Variants in DEFB131A observed in about 807,000 individuals in gnomAD.
DEFB131A encodes defensin beta 131A.
A neutral mutation model predicts 2.4 loss-of-function variants in DEFB131A; 5 were observed. The observed-to-expected ratio is 2.12, with a 90% CI of 1.11 to 4.47. The LOEUF (loss-of-function observed/expected upper bound fraction) is 4.47, where lower values mean the gene tolerates loss of function less well. DEFB131A is among the 30% of genes most tolerant of loss of function. The pLI is 0.00. For synonymous variants in DEFB131A, 34 were observed against 25.7 expected (o/e 1.32, Z -0.97); for missense variants, 120 against 79.9 (o/e 1.50, Z -1.91).
intron 1 of DEFB131A, among the ~76,000 whole-genome samples, chr4:9,449,589 A>C (rs1717598949): frequency 6.6e-6 from 1 of 151,820 alleles, no homozygotes. Flanking sequence ...AAACTGTAAA[A>C]CTTATAGAAG....
rs1323193532 is a variant in DEFB131A, at chr4:9,450,631, A to G, written c.*117A>G. ...ATTATAATTGCATGTTTAGATGGTC[A>G]GGTGAAAATGAATATAAATTTTATA... On this transcript the variant is annotated 3_prime_UTR_variant, in exon 2 of 2. Transcript: ENST00000334879. 33 of 1,376,370 alleles carry G rather than the reference A, an allele frequency of 2.4e-5. No individual in the cohort carries two copies. The African/African-American group carries it at 3.6e-4, about 15-fold the overall frequency. 85.3% of individuals were successfully genotyped at this position (1,376,370 alleles called of 1,614,324 possible).
chr4:9,448,110 A>G (rs1717550463), intron 1 of DEFB131A, among the ~76,000 whole-genome samples: 1 of 151,992 alleles, frequency 6.6e-6, no homozygotes, highest in African/African-American at 2.4e-5. Context: ...ATAACACGCA[A>G]GATAAATACA....
At chr4:9,448,882 G>A (rs927536255) in intron 1 of DEFB131A, among the ~76,000 whole-genome samples, 1 of 152,182 alleles carries the variant, frequency 6.6e-6, no homozygotes, top group East Asian at 1.9e-4. Context: ...CCAAACAGTT[G>A]GGGGGTGGGA....
intron 1 of DEFB131A, among the ~76,000 whole-genome samples, chr4:9,445,807 A>G (rs1717478052): frequency 6.6e-6 from 1 of 152,150 alleles, no homozygotes; most frequent in Admixed American, 6.5e-5. Flanking sequence ...GAATATGTTT[A>G]TAACCGCAAG....
intron 1 of DEFB131A, among the ~76,000 whole-genome samples, chr4:9,447,677 G>T (rs560883516): frequency 6.6e-6 from 1 of 151,188 alleles, no homozygotes; most frequent in African/African-American, 2.4e-5. Context: ...TTGCATGAGG[G>T]CCATACCCTG....
In DEFB131A at chr4:9,450,521, T is replaced by G. The variant is rs1157801355; in HGVS notation, c.*7T>G. 1 of 1,607,152 alleles carries G rather than the reference T, an allele frequency of 6.2e-7. No individual in the cohort carries two copies. Among genetic ancestry groups the G allele is most frequent in the African/African-American group, 1.3e-5 (1 of 74,854 alleles). Reference sequence around the variant, plus strand: ...CGGACAAAAGAAGTGGTGAAAATTCTAACTCCATCTTCTTCAGACTCCGGG... The same window carrying G: ...CGGACAAAAGAAGTGGTGAAAATTCGAACTCCATCTTCTTCAGACTCCGGG... On this transcript the variant is annotated 3_prime_UTR_variant, in exon 2 of 2. Transcript: ENST00000334879.
At chr4:9,447,957 A>G (rs1717544842) in intron 1 of DEFB131A, among the ~76,000 whole-genome samples, 1 of 152,130 alleles carries the variant, frequency 6.6e-6, no homozygotes, top group Admixed American at 6.6e-5. Flanking sequence ...GTGTAGGCCA[A>G]TTACAAAAGG....
At chr4:9,449,516 G>A (rs1717597377) in intron 1 of DEFB131A, among the ~76,000 whole-genome samples, 2 of 150,774 alleles carry the variant, frequency 1.3e-5, no homozygotes, top group African/African-American at 2.4e-5. Flanking sequence ...AACTGGGCCT[G>A]TATCTTACAC....
At position 9,444,604 on chromosome 4, in the gene DEFB131A, CT is replaced by C. The variant is rs778924213; in HGVS notation, c.58+19del. 4 of 1,603,354 alleles carry C rather than the reference CT, an allele frequency of 2.5e-6. No individual in the cohort carries two copies. On this transcript the variant is annotated intron_variant, in intron 1 of 1. Coordinates refer to ENST00000334879, the MANE Select transcript of DEFB131A (RefSeq NM_001040448.3). ...ACAGTTCCTCCAGGTAAGACAGAAA[CT>C]TTTTTATTCCAAAGTTCTAAAAATA... is the stretch of plus-strand genomic sequence containing the variant.
At chr4:9,448,547 C>A (rs1417900476) in intron 1 of DEFB131A, among the ~76,000 whole-genome samples, 1 of 152,158 alleles carries the variant, frequency 6.6e-6, no homozygotes, top group Non-Finnish European at 1.5e-5. Flanking sequence ...TGGTCTCGAA[C>A]TCCTGACCTC....
chr4:9,449,908 C>T (rs1362341863), intron 1 of DEFB131A, among the ~76,000 whole-genome samples: 2 of 152,124 alleles, frequency 1.3e-5, no homozygotes, highest in Non-Finnish European at 2.9e-5. Flanking sequence ...TTTCCCACCA[C>T]CATATCTCTT....
At position 9,450,447 on chromosome 4, in the gene DEFB131A, A is replaced by T. The variant is rs1717628856; in HGVS notation, c.146A>T (p.Tyr49Phe). The change falls in exon 2 of 2, where the codon TAC (tyrosine) becomes TTC (phenylalanine). Residue 49 changes from tyrosine to phenylalanine, a missense_variant. Physicochemically the swap from Tyr to Phe is conservative, Grantham distance 22. Transcript: ENST00000334879. ...KCNADEHAIR[Y>F]CADFSICCKL... Reference sequence around the variant, plus strand: ...AATGCTGATGAACATGCAATTAGATACTGTGCTGACTTCAGCATCTGCTGC... The same window carrying T: ...AATGCTGATGAACATGCAATTAGATTCTGTGCTGACTTCAGCATCTGCTGC... The T allele has an allele frequency of 1.9e-6, 3 of 1,611,058 alleles. No homozygotes were observed. The East Asian group carries it at 6.7e-5, about 36-fold the overall frequency.
chr4:9,448,831 C>G (rs1717573526), intron 1 of DEFB131A, among the ~76,000 whole-genome samples: 1 of 152,090 alleles, frequency 6.6e-6, no homozygotes. Context: ...ACTAAAAGTT[C>G]TAGCAAGAAC....
chr4:9,449,098 A>G (rs1444550884), intron 1 of DEFB131A, among the ~76,000 whole-genome samples: 1 of 151,776 alleles, frequency 6.6e-6, no homozygotes, highest in Non-Finnish European at 1.5e-5. Flanking sequence ...ATAGCAAGAA[A>G]AAGATAAGAC....
In DEFB131A at chr4:9,449,758, T is replaced by A. The variant is rs1383025489; in HGVS notation, c.59-602T>A. Reference sequence around the variant, plus strand: ...GTGCATATCTCAGTAACTTTCTCAATAAAGGACACATGGCCTTGAGCCCGA... The same window carrying A: ...GTGCATATCTCAGTAACTTTCTCAAAAAAGGACACATGGCCTTGAGCCCGA... On this transcript the variant is annotated intron_variant, in intron 1 of 1. Coordinates refer to ENST00000334879, the MANE Select transcript of DEFB131A (RefSeq NM_001040448.3). Among the ~76,000 whole-genome samples, 4 of 152,206 alleles carry A rather than the reference T, an allele frequency of 2.6e-5. No individual in the cohort carries two copies. In the East Asian group the frequency reaches 7.8e-4, roughly 30 times the overall value.
chr4:9,449,657 T>C (rs1246281072), intron 1 of DEFB131A, among the ~76,000 whole-genome samples: 2 of 151,894 alleles, frequency 1.3e-5, no homozygotes, highest in Non-Finnish European at 2.9e-5. Flanking sequence ...AACTTATAAA[T>C]TGTAACAAAA....
chr4:9,450,567 T>A lies in DEFB131A; in HGVS notation c.*53T>A, dbSNP rs562511247. 119 of 1,568,676 alleles carry A rather than the reference T, an allele frequency of 7.6e-5. No homozygotes were observed. The highest frequency in any genetic ancestry group is 9.7e-5 in the Non-Finnish European group (112 of 1,156,002). On this transcript the variant is annotated 3_prime_UTR_variant, in exon 2 of 2. Transcript: ENST00000334879. ...CCGGGACAAAAAACATGTCTTAAAC[T>A]CTCTTATCTATGAATAATTAACATG...
At position 9,449,142 on chromosome 4, in the gene DEFB131A, C is replaced by T. The variant is rs111560564; in HGVS notation, c.59-1218C>T. The stretch of plus-strand genomic sequence containing the variant: ...ATAAACTTAACAAAAAGATGAAAGA[C>T]TGGTACATTAAAAATTGCAGACATT... On this transcript the variant is annotated intron_variant, in intron 1 of 1. Transcript: ENST00000334879. 8.1e-3 allele frequency among the ~76,000 whole-genome samples: 1,222 copies of T among 150,790 alleles called. 26 individuals carry two copies. The highest frequency in any genetic ancestry group is 0.027 in the African/African-American group (1,128 of 41,074).
chr4:9,448,927 T>G (rs1432803605), intron 1 of DEFB131A, among the ~76,000 whole-genome samples: 3 of 152,066 alleles, frequency 2.0e-5, no homozygotes, highest in Non-Finnish European at 4.4e-5. Flanking sequence ...ATGACATAAT[T>G]TTTTTGTAAA....
Sources: gnomAD v4.1 joint callset for allele counts (sites outside exome capture counted in the v4.1 genomes callset) on GRCh38, gnomAD v4.1.1 for gene constraint, MANE v1.5 for transcripts, NCBI Gene and HGNC (gene_info 2026-07-23, HGNC 2026-07-21) for gene names.